Variants in ADAM10 observed in about 807,000 individuals in gnomAD.
The protein encoded by ADAM10 is disintegrin and metalloproteinase domain-containing protein 10.
In ADAM10, 17 loss-of-function variants were observed where a neutral mutation model predicts 90.1. That is an observed-to-expected ratio of 0.19 (90% confidence interval 0.13 to 0.28). The LOEUF (loss-of-function observed/expected upper bound fraction) is 0.28. Among genes scored for constraint, ADAM10 ranks in the 10% least tolerant of loss-of-function variants. The pLI, the probability that ADAM10 is intolerant of heterozygous loss-of-function variation, is 1.00. For synonymous variants in ADAM10, 310 were observed against 298.6 expected (o/e 1.04, Z -0.40); for missense variants, 610 against 914.3 (o/e 0.67, Z 4.29).
Position 58,749,658 on chromosome 15 carries a change from G to C in ADAM10, c.-124C>G. Reference sequence around the variant, plus strand: ...CGGGAAGCCGGGACCTCCCCTGGCAGGAGAAACGGCGAAGCACCTCCCTCT... The same window carrying C: ...CGGGAAGCCGGGACCTCCCCTGGCACGAGAAACGGCGAAGCACCTCCCTCT... On this transcript the variant is annotated 5_prime_UTR_variant, in exon 1 of 16. Transcript: ENST00000260408. 6.7e-7 allele frequency: 1 copy of C among 1,496,842 alleles called. No homozygotes were observed. The highest frequency in any genetic ancestry group is 2.7e-5 in the East Asian group (1 of 37,212). 92.7% of individuals were successfully genotyped at this position (1,496,842 alleles called of 1,614,324 possible).
intron 5 of ADAM10, among the ~76,000 whole-genome samples, chr15:58,658,810 C>T (rs1378849526): frequency 1.3e-5 from 2 of 152,020 alleles, no homozygotes; most frequent in African/African-American, 4.8e-5. Context: ...ACTGATTATA[C>T]CAACTTTTAG....
At chr15:58,650,087 T>C (rs1896648586) in intron 5 of ADAM10, among the ~76,000 whole-genome samples, 3 of 152,216 alleles carry the variant, frequency 2.0e-5, no homozygotes, top group Admixed American at 2.0e-4. Context: ...AGTTCTTTTG[T>C]TAATTTTCAA....
chr15:58,739,049 C>A (rs1899518943), intron 1 of ADAM10, among the ~76,000 whole-genome samples: 1 of 152,018 alleles, frequency 6.6e-6, no homozygotes, highest in South Asian at 2.1e-4. Flanking sequence ...CCGCCACTGC[C>A]CCTAGCTGAG....
rs555231432 is a variant in ADAM10, at chr15:58,591,011, T to C, written c.*6536A>G. On this transcript the variant is annotated 3_prime_UTR_variant, in exon 16 of 16. Coordinates refer to ENST00000260408, the MANE Select transcript of ADAM10 (RefSeq NM_001110.4). Reference sequence around the variant, plus strand: ...AGAGAGGGCAGAAGAATCTAGTTTATTGTAGTGAGCTACTTAACATTTACT... The same window carrying C: ...AGAGAGGGCAGAAGAATCTAGTTTACTGTAGTGAGCTACTTAACATTTACT... 6.6e-6 allele frequency: 1 copy of C among 152,354 alleles called. No individual in the cohort carries two copies. Among genetic ancestry groups the C allele is most frequent in the African/African-American group, 2.4e-5 (1 of 41,588 alleles). The allele number at this position is 152,354 out of a possible 1,614,324, so 9.4% of individuals were successfully genotyped here. A position where few individuals can be genotyped will look rare whatever the true frequency, so the allele number is the denominator to read the frequency against.
chr15:58,667,759 C>CT (rs113725859), intron 4 of ADAM10, among the ~76,000 whole-genome samples: 141 of 144,014 alleles, frequency 9.8e-4, no homozygotes, highest in Middle Eastern at 7.1e-3. Context: ...AAAGGATAGG[C>CT]TTTTTTTTTT....
At chr15:58,600,202 A>T (rs1177536574) in intron 14 of ADAM10, among the ~76,000 whole-genome samples, 1 of 152,146 alleles carries the variant, frequency 6.6e-6, no homozygotes, top group Non-Finnish European at 1.5e-5. Flanking sequence ...GAGTGTGCAA[A>T]CCCAATCATC....
At chr15:58,600,578 G>A (rs1251856195) in intron 14 of ADAM10, among the ~76,000 whole-genome samples, 1 of 151,958 alleles carries the variant, frequency 6.6e-6, no homozygotes, top group East Asian at 1.9e-4. Context: ...TTTAGCAGCA[G>A]GCAAAGTTCA....
intron 6 of ADAM10, 28 bp downstream of exon 6, chr15:58,646,027 T>C (rs1479561814): frequency 1.2e-6 from 2 of 1,611,286 alleles, no homozygotes; most frequent in Admixed American, 1.7e-5. Flanking sequence ...ATATGGGAAC[T>C]ACTAAAATAG....
chr15:58,661,001 A>G (rs1896952651), intron 5 of ADAM10, among the ~76,000 whole-genome samples: 1 of 152,256 alleles, frequency 6.6e-6, no homozygotes, highest in African/African-American at 2.4e-5. Context: ...CCCCGGCTCT[A>G]CGGTTTACAA....
chr15:58,612,338 G>A (rs1283230643), intron 11 of ADAM10, among the ~76,000 whole-genome samples: 1 of 152,100 alleles, frequency 6.6e-6, no homozygotes, highest in Non-Finnish European at 1.5e-5. Context: ...CCAGGGCTAA[G>A]CCAACACAGT....
At chr15:58,622,248 T>C (rs1429989286) in intron 10 of ADAM10, among the ~76,000 whole-genome samples, 2 of 152,190 alleles carry the variant, frequency 1.3e-5, no homozygotes, top group South Asian at 2.1e-4. Flanking sequence ...ATAATAACCA[T>C]GATCATATCT....
intron 1 of ADAM10, among the ~76,000 whole-genome samples, chr15:58,735,317 T>C (rs1398813926): frequency 6.6e-6 from 1 of 152,182 alleles, no homozygotes; most frequent in Middle Eastern, 3.2e-3. Context: ...ATTAGATATA[T>C]TACCTACGCA....
At chr15:58,601,754 T>A (rs1398491571) in intron 14 of ADAM10, among the ~76,000 whole-genome samples, 1 of 152,214 alleles carries the variant, frequency 6.6e-6, no homozygotes, top group African/African-American at 2.4e-5. Context: ...CTCCTTTGAT[T>A]TGGAAAAATT....
chr15:58,671,120 T>A (rs930327558), intron 4 of ADAM10, among the ~76,000 whole-genome samples: 1 of 152,226 alleles, frequency 6.6e-6, no homozygotes, highest in Admixed American at 6.5e-5. Context: ...CTAACTTGTA[T>A]GATCTTGAGC....
At chr15:58,733,604 G>T (rs756555054) in intron 1 of ADAM10, among the ~76,000 whole-genome samples, 1 of 152,108 alleles carries the variant, frequency 6.6e-6, no homozygotes, top group Non-Finnish European at 1.5e-5. Context: ...TTATATAAGG[G>T]ACTTGAGCAT....
chr15:58,741,121 G>A (rs1475824448), intron 1 of ADAM10, among the ~76,000 whole-genome samples: 1 of 152,130 alleles, frequency 6.6e-6, no homozygotes, highest in African/African-American at 2.4e-5. Flanking sequence ...TCAAATGTAT[G>A]CACACGTGTG....
chr15:58,649,646 G>A (rs1387523065), intron 5 of ADAM10, among the ~76,000 whole-genome samples: 1 of 152,180 alleles, frequency 6.6e-6, no homozygotes, highest in East Asian at 1.9e-4. Context: ...TGCTTCCAAT[G>A]AGAAATGAGC....
At chr15:58,721,073 A>C (rs1898836375) in intron 1 of ADAM10, among the ~76,000 whole-genome samples, 1 of 152,230 alleles carries the variant, frequency 6.6e-6, no homozygotes, top group South Asian at 2.1e-4. Flanking sequence ...ACTTTTGATA[A>C]CTTAAAACAA....
chr15:58,616,365 T>A (rs768204624), intron 11 of ADAM10, among the ~76,000 whole-genome samples: 2 of 152,212 alleles, frequency 1.3e-5, no homozygotes, highest in East Asian at 3.8e-4. Context: ...TTCTCCAGGA[T>A]AGACCACATA....
Sources: gnomAD v4.1 joint callset for allele counts (sites outside exome capture counted in the v4.1 genomes callset) on GRCh38, gnomAD v4.1.1 for gene constraint, MANE v1.5 for transcripts, NCBI Gene and HGNC (gene_info 2026-07-23, HGNC 2026-07-21) for gene names.